The following PCDH11X variants were observed in gnomAD, a reference collection of about 807,000 sequenced individuals.
PCDH11X encodes the protein protocadherin-11 X-linked.
Under a neutral mutation model 53.3 loss-of-function variants are expected in PCDH11X, and 18 were observed. That is an observed-to-expected ratio of 0.34 (90% CI 0.23 to 0.50). PCDH11X has a LOEUF of 0.50. Among genes scored for constraint, PCDH11X ranks in the 20% least tolerant of loss-of-function variants. PCDH11X has a pLI of 0.98. For missense variants in PCDH11X, 570 were observed against 1,032.4 expected (o/e 0.55, Z 6.14); for synonymous variants, 279 against 393.3 (o/e 0.71, Z 3.44).
intron 7 of PCDH11X, among the ~76,000 whole-genome samples, chrX:92,216,024 G>T (rs1325671187): frequency 1.5e-4 from 17 of 110,784 alleles, no homozygotes; most frequent in Non-Finnish European, 3.2e-4. Context: ...CTAACAAACA[G>T]AAAGGACATC....
At chrX:92,461,422 A>T (rs1439238914) in intron 9 of PCDH11X, among the ~76,000 whole-genome samples, 1 of 111,169 alleles carries the variant, frequency 9.0e-6, no homozygotes, top group African/African-American at 3.3e-5. Flanking sequence ...CAGTGAACTC[A>T]TTTTTGACAA....
At chrX:92,194,762 G>C (rs1403974373) in intron 6 of PCDH11X, among the ~76,000 whole-genome samples, 1 of 109,992 alleles carries the variant, frequency 9.1e-6, no homozygotes, top group Non-Finnish European at 1.9e-5. Context: ...TGATCACTGG[G>C]TCTTGCTATC....
intron 9 of PCDH11X, among the ~76,000 whole-genome samples, chrX:92,397,741 A>G: frequency 9.0e-6 from 1 of 110,527 alleles, no homozygotes; most frequent in Middle Eastern, 4.6e-3. Flanking sequence ...AATGCACCAA[A>G]GGCATTCTCA....
chrX:92,147,810 C>CTTTCTTTCTTTTCTTTCTTT (rs1556065506), intron 6 of PCDH11X, among the ~76,000 whole-genome samples: 4 of 70,196 alleles, frequency 5.7e-5, no homozygotes, highest in African/African-American at 2.2e-4. Flanking sequence ...TTTCTTCCTT[C>CTTTCTTTCTTTTCTTTCTTT]CTTTCTTTCT....
At chrX:92,002,765 T>G (rs1309621056) in intron 6 of PCDH11X, among the ~76,000 whole-genome samples, 1 of 108,220 alleles carries the variant, frequency 9.2e-6, no homozygotes, top group African/African-American at 3.3e-5. Flanking sequence ...TACTGAATAT[T>G]TTTATCACTT....
At chrX:92,256,284 C>T (rs765325111) in intron 7 of PCDH11X, among the ~76,000 whole-genome samples, 1 of 111,539 alleles carries the variant, frequency 9.0e-6, no homozygotes, top group Non-Finnish European at 1.9e-5. Flanking sequence ...TGAGGCAATG[C>T]CTCACCCTGC....
intron 6 of PCDH11X, among the ~76,000 whole-genome samples, chrX:92,173,488 G>A (rs2065854703): frequency 9.1e-6 from 1 of 109,899 alleles, no homozygotes; most frequent in African/African-American, 3.3e-5. Context: ...CATACCATTT[G>A]GTACCTCCTT....
intron 10 of PCDH11X, among the ~76,000 whole-genome samples, chrX:92,553,034 T>TGTGTG (rs2074987325): frequency 3.7e-5 from 4 of 107,328 alleles, no homozygotes; most frequent in Admixed American, 1.0e-4. Context: ...TGTGTGTGTG[T>TGTGTG]TTCTTGATGT....
chrX:92,337,897 A>G (rs1750158216), intron 8 of PCDH11X, among the ~76,000 whole-genome samples: 1 of 111,736 alleles, frequency 8.9e-6, no homozygotes, highest in South Asian at 3.7e-4. Context: ...AAATGCAGAT[A>G]AAGTCCCACA....
rs1307154812 is a variant in PCDH11X, at chrX:92,136,348, A to G, written c.3034-65027A>G. 1.7e-4 allele frequency among the ~76,000 whole-genome samples: 19 copies of G among 110,678 alleles called. No homozygotes were observed. In the Admixed American group the frequency reaches 1.8e-3, roughly 11 times the overall value. ...CTGGAGCCCGAGGAACAAAGGGAAG[A>G]GGAATAGGAGATAAGGTCAGAGAGG... On this transcript the variant is annotated intron_variant, in intron 6 of 10. Transcript: ENST00000682573.
intron 10 of PCDH11X, among the ~76,000 whole-genome samples, chrX:92,558,272 T>A (rs2075076881): frequency 9.0e-6 from 1 of 110,715 alleles, no homozygotes; most frequent in Admixed American, 9.7e-5. Flanking sequence ...TTGAGTTGTT[T>A]TTTTCCCTGC....
intron 7 of PCDH11X, among the ~76,000 whole-genome samples, chrX:92,211,167 C>T (rs1326053905): frequency 2.7e-5 from 3 of 111,963 alleles, no homozygotes; most frequent in African/African-American, 6.5e-5. Flanking sequence ...TTAATCGTCT[C>T]ATGATTCTGT....
At chrX:91,887,835 A>G (rs1021882050) in intron 6 of PCDH11X, among the ~76,000 whole-genome samples, 3 of 111,184 alleles carry the variant, frequency 2.7e-5, no homozygotes, top group African/African-American at 9.8e-5. Context: ...TTATGTAATA[A>G]CATACCTTGA....
intron 6 of PCDH11X, among the ~76,000 whole-genome samples, chrX:92,132,687 GTATA>G (rs369282634): frequency 7.4e-5 from 5 of 67,715 alleles, no homozygotes; most frequent in East Asian, 8.5e-4. Flanking sequence ...ATATATATAT[GTATA>G]TATATATATA....
intron 6 of PCDH11X, among the ~76,000 whole-genome samples, chrX:91,906,061 G>T (rs762418130): frequency 9.1e-6 from 1 of 110,327 alleles, no homozygotes; most frequent in African/African-American, 3.3e-5. Flanking sequence ...AGATCTTTAC[G>T]TTTGAGGATC....
At chrX:92,331,279 TTTCTTCTTCTTC>T (rs757045963) in intron 8 of PCDH11X, among the ~76,000 whole-genome samples, 8 of 53,210 alleles carry the variant, frequency 1.5e-4, no homozygotes, top group Non-Finnish European at 2.0e-4. Flanking sequence ...CCTCCTCCTC[TTTCTTCTTCTTC>T]TTCTTCTTCT....
chrX:92,347,349 A>C (rs1241214563), intron 8 of PCDH11X, among the ~76,000 whole-genome samples: 1 of 111,965 alleles, frequency 8.9e-6, no homozygotes, highest in Non-Finnish European at 1.9e-5. Context: ...GTTTGATGTG[A>C]AACATGGCAT....
intron 9 of PCDH11X, chrX:92,461,058 G>C (rs1424795964): frequency 2.2e-6 from 1 of 450,506 alleles, no homozygotes; most frequent in Non-Finnish European, 3.7e-6. Flanking sequence ...ATTGATGAAA[G>C]AAATTGAGGC....
chrX:92,266,607 G>A (rs1057440129), intron 8 of PCDH11X, among the ~76,000 whole-genome samples: 1 of 111,939 alleles, frequency 8.9e-6, no homozygotes, highest in African/African-American at 3.2e-5. Flanking sequence ...CAGCAGAAAA[G>A]AAGCAAATGC....
Sources: allele counts gnomAD v4.1 joint callset (sites outside exome capture counted in the v4.1 genomes callset), GRCh38; gene constraint gnomAD v4.1.1; transcripts MANE v1.5; gene names NCBI Gene and HGNC (gene_info 2026-07-23, HGNC 2026-07-21).